KLF9: variants seen among roughly 807,000 people sequenced by gnomAD.
The protein encoded by KLF9 is KLF transcription factor 9.
A neutral mutation model predicts 17.3 loss-of-function variants in KLF9; 2 were observed. The observed-to-expected ratio is 0.12, with a 90% confidence interval of 0.05 to 0.36. The LOEUF is 0.36. Ranked by LOEUF, KLF9 falls within the 10% of genes least tolerant of loss-of-function variation. The pLI, the probability that KLF9 is intolerant of heterozygous loss-of-function variation, is 1.00. For synonymous variants in KLF9, 138 were observed against 139.2 expected (o/e 0.99, Z 0.06); for missense variants, 226 against 333.2 (o/e 0.68, Z 2.51).
chr9:70,405,282 T>C (rs2037248657), intron 1 of KLF9, among the ~76,000 whole-genome samples: 1 of 152,222 alleles, frequency 6.6e-6, no homozygotes, highest in Admixed American at 6.5e-5. Flanking sequence ...AGGCTCAGCT[T>C]GGAAAAATGT....
In KLF9 at chr9:70,413,364, G is replaced by A. The variant is rs903860986; in HGVS notation, c.-1C>T. Reference sequence around the variant, plus strand: ...AGTCCATGTAGGCGGCCGCGGACATGGTGCGGGCGACGGCAGCCCAGGCGG... The same window carrying A: ...AGTCCATGTAGGCGGCCGCGGACATAGTGCGGGCGACGGCAGCCCAGGCGG... On this transcript the variant is annotated 5_prime_UTR_variant, in exon 1 of 2. Coordinates refer to ENST00000377126, the MANE Select transcript of KLF9 (RefSeq NM_001206.4). This position sits in a 1 kb window ranked among gnomAD's most constrained non-coding sequence, Gnocchi z 5.6. The A allele has an allele frequency of 6.6e-7, 1 of 1,521,852 alleles. No homozygotes were observed. Among genetic ancestry groups the A allele is most frequent in the Non-Finnish European group, 8.8e-7 (1 of 1,136,694 alleles). The allele number at this position is 1,521,852 out of a possible 1,614,324, so 94.3% of individuals were successfully genotyped here.
Position 70,385,642 on chromosome 9 carries a change from G to T in KLF9, c.*2134C>A, listed in dbSNP as rs985167344. ...ACCCCAAACTCCTCACTCACTAAAAGGCAGCGTGCAGAGTATCATAAGCAG... is the reference window on the plus strand; with the variant it reads ...ACCCCAAACTCCTCACTCACTAAAATGCAGCGTGCAGAGTATCATAAGCAG... On this transcript the variant is annotated 3_prime_UTR_variant, in exon 2 of 2. Transcript: ENST00000377126. 4.6e-5 allele frequency: 7 copies of T among 152,578 alleles called. No homozygotes were observed. The highest frequency in any genetic ancestry group is 1.7e-4 in the African/African-American group (7 of 41,440). 9.5% of individuals were successfully genotyped at this position (152,578 alleles called of 1,614,324 possible).
At chr9:70,390,417 T>C (rs773771938) in intron 1 of KLF9, among the ~76,000 whole-genome samples, 5 of 151,966 alleles carry the variant, frequency 3.3e-5, no homozygotes, top group Non-Finnish European at 7.4e-5. Flanking sequence ...GAGTTTCCCG[T>C]GAAAAACTCA....
chr9:70,412,880 C>A lies in KLF9; in HGVS notation c.484G>T (p.Ala162Ser). Residue 162 changes from alanine (A) to serine (S), a missense_variant, in exon 1 of 2, where the codon GCC (alanine) becomes TCC (serine). Physicochemically the swap from Ala to Ser is moderately conservative, Grantham distance 99. Coordinates refer to ENST00000377126, the MANE Select transcript of KLF9 (RefSeq NM_001206.4). ...TAACCTGTATGCACTCTGTAATGGG[C>A]TTTGAGATGGGAGGATTTTCCATAG... ...KVYGKSSHLKAHYRVHTGERP... is the reference protein window; with the variant it reads ...KVYGKSSHLKSHYRVHTGERP... 1 of 1,603,934 alleles carries A rather than the reference C, an allele frequency of 6.2e-7. No homozygotes were observed. Among genetic ancestry groups the A allele is most frequent in the Non-Finnish European group, 8.5e-7 (1 of 1,174,878 alleles).
At position 70,387,207 on chromosome 9, in the gene KLF9, T is replaced by G. The variant is rs2037118737; in HGVS notation, c.*569A>C. 6.5e-6 allele frequency: 1 copy of G among 154,598 alleles called. No homozygotes were observed. Among genetic ancestry groups the G allele is most frequent in the South Asian group, 2.0e-4 (1 of 5,012 alleles). The allele number at this position is 154,598 out of a possible 1,614,324, so 9.6% of individuals were successfully genotyped here. A position where few individuals can be genotyped will look rare whatever the true frequency, so the allele number is the denominator to read the frequency against. On this transcript the variant is annotated 3_prime_UTR_variant, in exon 2 of 2. Coordinates refer to ENST00000377126, the MANE Select transcript of KLF9 (RefSeq NM_001206.4). ...GACAGCTGTGCTATGGCGTTTTTTT[T>G]TTTAATCTCAAAAGTTAACGTGATT...
intron 1 of KLF9, among the ~76,000 whole-genome samples, chr9:70,389,131 ACT>A (rs1193738573): frequency 1.3e-5 from 2 of 150,916 alleles, no homozygotes; most frequent in Non-Finnish European, 3.0e-5. Flanking sequence ...ACAGAGTGAG[ACT>A]CTGTCTCAAA....
intron 1 of KLF9, among the ~76,000 whole-genome samples, chr9:70,391,319 G>T (rs2037151576): frequency 6.6e-6 from 1 of 152,178 alleles, no homozygotes; most frequent in South Asian, 2.1e-4. Flanking sequence ...TATATTTCAA[G>T]TGTAATCAGG....
At chr9:70,392,596 A>G (rs1290893036) in intron 1 of KLF9, among the ~76,000 whole-genome samples, 1 of 152,172 alleles carries the variant, frequency 6.6e-6, no homozygotes, top group Non-Finnish European at 1.5e-5. Context: ...GCACTTAAGA[A>G]AGCATGGAAT....
chr9:70,403,322 C>T (rs1394923058), intron 1 of KLF9, among the ~76,000 whole-genome samples: 2 of 152,136 alleles, frequency 1.3e-5, no homozygotes, highest in African/African-American at 4.8e-5. Flanking sequence ...GGGAGGGTGA[C>T]CCCACACCTC....
chr9:70,398,595 T>G (rs761590453), intron 1 of KLF9, among the ~76,000 whole-genome samples: 1 of 151,824 alleles, frequency 6.6e-6, no homozygotes, highest in Non-Finnish European at 1.5e-5. Context: ...TTCAAGCAAT[T>G]CTCGTGTCTC....
At chr9:70,409,526 C>A (rs1037977748) in intron 1 of KLF9, among the ~76,000 whole-genome samples, 1 of 151,894 alleles carries the variant, frequency 6.6e-6, no homozygotes, top group African/African-American at 2.4e-5. Flanking sequence ...TACCACCCGC[C>A]CCCCAAAATC....
intron 1 of KLF9, among the ~76,000 whole-genome samples, chr9:70,392,890 G>A (rs1564086249): frequency 6.6e-6 from 1 of 152,070 alleles, no homozygotes; most frequent in East Asian, 1.9e-4. Context: ...TGGGGATAGG[G>A]AAAAAAATAC....
intron 1 of KLF9, among the ~76,000 whole-genome samples, chr9:70,398,195 C>T (rs896149872): frequency 1.3e-5 from 2 of 152,074 alleles, no homozygotes; most frequent in African/African-American, 2.4e-5. Flanking sequence ...ATTTGGCTTC[C>T]GTTTATATTG....
chr9:70,402,247 T>C (rs1302023468), intron 1 of KLF9, among the ~76,000 whole-genome samples: 1 of 152,154 alleles, frequency 6.6e-6, no homozygotes, highest in Admixed American at 6.6e-5. Flanking sequence ...AAAATGGTAA[T>C]GGTACAAAAC....
rs1303475381 is a variant in KLF9, at chr9:70,414,083, C to G, written c.-720G>C. ...AACGGCCTTCGGTGGAGAGGTGCGT[C>G]TAGAACTGAGGCGTGCGGCCAATCC... On this transcript the variant is annotated 5_prime_UTR_variant, in exon 1 of 2. Coordinates refer to ENST00000377126, the MANE Select transcript of KLF9 (RefSeq NM_001206.4). 1 of 152,428 alleles carries G rather than the reference C, an allele frequency of 6.6e-6. No homozygotes were observed. The highest frequency in any genetic ancestry group is 2.4e-5 in the African/African-American group (1 of 41,456). 9.4% of individuals were successfully genotyped at this position (152,428 alleles called of 1,614,324 possible).
Position 70,413,157 on chromosome 9 carries a change from G to A in KLF9, c.207C>T (p.Asp69=), listed in dbSNP as rs1435014461. 13 of 1,614,190 alleles carry A rather than the reference G, an allele frequency of 8.1e-6. No homozygotes were observed. Among genetic ancestry groups the A allele is most frequent in the African/African-American group, 2.7e-5 (2 of 75,058 alleles). The change falls in exon 1 of 2, where the codon GAC becomes GAT. Residue 69 remains aspartate, a synonymous_variant. Transcript: ENST00000377126. The surrounding 1 kb of genome is among the most constrained non-coding windows in gnomAD (Gnocchi z 5.6). The part of the protein sequence containing the change: ...TLVTIAKSLL[D]LNKYRPIQTP... ...TCTGGATGGGTCGGTACTTGTTCAG[G>A]TCCAACAAGCTCTTGGCGATGGTGA... is the stretch of plus-strand genomic sequence containing the variant.
intron 1 of KLF9, among the ~76,000 whole-genome samples, chr9:70,405,269 C>T (rs1456571801): frequency 2.6e-5 from 4 of 152,284 alleles, no homozygotes; most frequent in African/African-American, 7.2e-5. Flanking sequence ...TCCACAAGGA[C>T]GGAGGCTCAG....
intron 1 of KLF9, among the ~76,000 whole-genome samples, chr9:70,399,285 C>G (rs960087320): frequency 2.0e-5 from 3 of 152,172 alleles, no homozygotes; most frequent in Non-Finnish European, 2.9e-5. Flanking sequence ...GTCAGAGTAA[C>G]AGAATTTAGA....
chr9:70,390,251 C>T (rs1030155224), intron 1 of KLF9, among the ~76,000 whole-genome samples: 2 of 152,068 alleles, frequency 1.3e-5, no homozygotes, highest in Non-Finnish European at 2.9e-5. Flanking sequence ...TGCAGATCTA[C>T]GTATAAACCC....
Sources: gnomAD v4.1 joint callset for allele counts (sites outside exome capture counted in the v4.1 genomes callset) on GRCh38, gnomAD v4.1.1 for gene constraint, Gnocchi (gnomAD v3.1) non-coding constraint, MANE v1.5 for transcripts, NCBI Gene and HGNC (gene_info 2026-07-23, HGNC 2026-07-21) for gene names.